SMOC2: variants seen among roughly 807,000 people sequenced by gnomAD.
The protein encoded by SMOC2 is SPARC-related modular calcium-binding protein 2.
SMOC2 carries 39 observed loss-of-function variants against 61.4 expected under a neutral mutation model. That is an observed-to-expected ratio of 0.64 (90% CI 0.49 to 0.83). The LOEUF is 0.83. SMOC2 is among the 40% of genes least tolerant of loss of function. The pLI, the probability that SMOC2 is intolerant of heterozygous loss-of-function variation, is 0.00. For synonymous variants in SMOC2, 247 were observed against 239.9 expected (o/e 1.03, Z -0.27); for missense variants, 556 against 592.9 (o/e 0.94, Z 0.65).
intron 4 of SMOC2, among the ~76,000 whole-genome samples, chr6:168,540,086 A>G (rs908402106): frequency 2.0e-5 from 3 of 152,224 alleles, no homozygotes; most frequent in Non-Finnish European, 2.9e-5. Flanking sequence ...CACGGTTGCA[A>G]TAGACATTGC....
chr6:168,581,200 A>G (rs1168672596), intron 7 of SMOC2, among the ~76,000 whole-genome samples: 1 of 152,184 alleles, frequency 6.6e-6, no homozygotes, highest in Non-Finnish European at 1.5e-5. Context: ...AAAATTTTAT[A>G]TTTTATTTTC....
chr6:168,625,009 T>C (rs1786362868), intron 9 of SMOC2, among the ~76,000 whole-genome samples: 2 of 152,116 alleles, frequency 1.3e-5, no homozygotes, highest in South Asian at 2.1e-4. Context: ...CTGGGTCAGA[T>C]TGGAATGGGG....
intron 9 of SMOC2, among the ~76,000 whole-genome samples, chr6:168,632,682 G>T (rs1183569365): frequency 2.0e-5 from 3 of 152,110 alleles, no homozygotes; most frequent in Non-Finnish European, 1.5e-5. Flanking sequence ...CTATCCTTGT[G>T]TTTATGCAAT....
chr6:168,497,152 T>C (rs1562556129), intron 1 of SMOC2, among the ~76,000 whole-genome samples: 1 of 152,174 alleles, frequency 6.6e-6, no homozygotes, highest in South Asian at 2.1e-4. Flanking sequence ...AGGGCCCTGG[T>C]TGGAACGGAG....
chr6:168,622,067 G>A (rs144561837), intron 9 of SMOC2, among the ~76,000 whole-genome samples: 2,315 of 152,042 alleles, frequency 0.015, 51 homozygotes, highest in African/African-American at 0.052. Flanking sequence ...CCGGGTTCAC[G>A]CCATTCTTCT....
intron 7 of SMOC2, among the ~76,000 whole-genome samples, chr6:168,574,215 G>A (rs1784739836): frequency 6.6e-6 from 1 of 152,250 alleles, no homozygotes; most frequent in Non-Finnish European, 1.5e-5. Context: ...GGAGTGGTGT[G>A]GCAGCGCTGG....
At chr6:168,505,858 G>T (rs572110086) in intron 1 of SMOC2, among the ~76,000 whole-genome samples, 2 of 152,294 alleles carry the variant, frequency 1.3e-5, no homozygotes, top group South Asian at 2.1e-4. Flanking sequence ...TCAGAATTGT[G>T]CAGGCTCTTC....
intron 8 of SMOC2, among the ~76,000 whole-genome samples, chr6:168,604,479 A>C (rs917146629): frequency 6.6e-6 from 1 of 152,152 alleles, no homozygotes; most frequent in African/African-American, 2.4e-5. Flanking sequence ...TGATTCTGCC[A>C]TTATTGAGTA....
At chr6:168,627,704 A>G (rs9456258) in intron 9 of SMOC2, among the ~76,000 whole-genome samples, 26,024 of 152,158 alleles carry the variant, frequency 0.17, 2,371 homozygotes, top group South Asian at 0.29. Flanking sequence ...CTCAGTATAC[A>G]GTAGGAGCCA....
At chr6:168,560,640 TCATTTTCATACCCTGAGACAC>T (rs1562348548) in intron 7 of SMOC2, among the ~76,000 whole-genome samples, 7 of 376 alleles carry the variant, frequency 0.019, no homozygotes, top group Non-Finnish European at 0.03. Flanking sequence ...GGAGGAGGTG[TCATTTTCATACCCTGAGACAC>T]GAGGCTCTCA....
chr6:168,530,587 A>G (rs970919541), intron 4 of SMOC2, among the ~76,000 whole-genome samples: 1 of 147,654 alleles, frequency 6.8e-6, no homozygotes, highest in African/African-American at 2.6e-5. Context: ...TCACCGTGCA[A>G]CTCCCCTCCA....
chr6:168,520,203 A>C (rs1288536933), intron 2 of SMOC2, among the ~76,000 whole-genome samples: 1 of 152,214 alleles, frequency 6.6e-6, no homozygotes, highest in African/African-American at 2.4e-5. Flanking sequence ...AGAATACTTC[A>C]GTTCTGCTGG....
chr6:168,544,679 A>G lies in SMOC2; in HGVS notation c.511+1007A>G, dbSNP rs1783950957. On this transcript the variant is annotated intron_variant, in intron 5 of 12. Transcript: ENST00000356284. This position sits in a 1 kb window ranked among gnomAD's most constrained non-coding sequence, Gnocchi z 4.1. The stretch of plus-strand genomic sequence containing the variant: ...CAGAGTGAGATTCTGTCTCAAAAAC[A>G]AAAACAAAATAATAAAAATAAAAAT... Among the ~76,000 whole-genome samples, 1 of 152,244 alleles carries G rather than the reference A, an allele frequency of 6.6e-6. No individual in the cohort carries two copies.
chr6:168,499,268 G>A (rs1349848777), intron 1 of SMOC2, among the ~76,000 whole-genome samples: 3 of 152,364 alleles, frequency 2.0e-5, no homozygotes, highest in Middle Eastern at 3.4e-3. Context: ...GAGCCACTGC[G>A]ATTCCAGGTG....
chr6:168,557,433 T>G (rs1784275790), intron 7 of SMOC2, among the ~76,000 whole-genome samples: 1 of 152,252 alleles, frequency 6.6e-6, no homozygotes, highest in Non-Finnish European at 1.5e-5. Context: ...TCAATCACAC[T>G]GTGGTTAAGT....
At chr6:168,504,900 T>G (rs1416623497) in intron 1 of SMOC2, among the ~76,000 whole-genome samples, 1 of 139,730 alleles carries the variant, frequency 7.2e-6, no homozygotes. Context: ...ACATGAGGCT[T>G]TACTCTTAAA....
At chr6:168,495,745 T>G (rs942250635) in intron 1 of SMOC2, among the ~76,000 whole-genome samples, 1 of 152,092 alleles carries the variant, frequency 6.6e-6, no homozygotes, top group Non-Finnish European at 1.5e-5. Context: ...GCTCATGGCT[T>G]CACTCACCTG....
chr6:168,572,859 G>C (rs180838274), intron 7 of SMOC2, among the ~76,000 whole-genome samples: 36 of 40,806 alleles, frequency 8.8e-4, no homozygotes, highest in South Asian at 2.0e-3. Context: ...TTCATTTCCT[G>C]CCCGCATCTC....
chr6:168,620,333 A>G (rs4708766), intron 9 of SMOC2, among the ~76,000 whole-genome samples: 3,747 of 152,236 alleles, frequency 0.025, 291 homozygotes, highest in Admixed American at 0.16. Flanking sequence ...TTTTGCAAGC[A>G]AGTATTTATT....
Sources: allele counts gnomAD v4.1 joint callset (sites outside exome capture counted in the v4.1 genomes callset), GRCh38; gene constraint gnomAD v4.1.1; non-coding constraint Gnocchi (gnomAD v3.1); transcripts MANE v1.5; gene names NCBI Gene and HGNC (gene_info 2026-07-23, HGNC 2026-07-21).